Variants in RSRC1 observed in about 807,000 individuals in gnomAD.
The protein encoded by RSRC1 is arginine and serine rich coiled-coil 1.
Under a neutral mutation model 49.1 loss-of-function variants are expected in RSRC1, and 39 were observed. The observed-to-expected ratio is 0.79, with a 90% confidence interval of 0.61 to 1.04. The LOEUF (loss-of-function observed/expected upper bound fraction) is 1.04. Ranked by LOEUF, RSRC1 falls within the 50% of genes least tolerant of loss-of-function variation. RSRC1 has a pLI of 0.00. For synonymous variants in RSRC1, 143 were observed against 130.8 expected (o/e 1.09, Z -0.63); for missense variants, 388 against 402.4 (o/e 0.96, Z 0.31).
chr3:158,417,829 A>T (rs1734828123), intron 6 of RSRC1, among the ~76,000 whole-genome samples: 1 of 151,344 alleles, frequency 6.6e-6, no homozygotes, highest in Non-Finnish European at 1.5e-5. Context: ...TAAAATGGTG[A>T]TATGTGACTT....
rs532085594 is a variant in RSRC1 at position 158,407,458 on chromosome 3, A to G, written c.583+52550A>G. 2.0e-5 allele frequency among the ~76,000 whole-genome samples: 3 copies of G among 152,296 alleles called. No individual in the cohort carries two copies. In the South Asian group the frequency reaches 6.2e-4, roughly 32 times the overall value. On this transcript the variant is annotated intron_variant, in intron 6 of 9. Coordinates refer to ENST00000611884, the MANE Select transcript of RSRC1 (RefSeq NM_001271838.2). ...TCTACATCCAATGACAAGTATTCCTAAGTGATCAAAAGACCACATTTGGCT... is the reference window on the plus strand; with the variant it reads ...TCTACATCCAATGACAAGTATTCCTGAGTGATCAAAAGACCACATTTGGCT...
At chr3:158,468,203 G>C (rs1737975015) in intron 7 of RSRC1, among the ~76,000 whole-genome samples, 1 of 152,180 alleles carries the variant, frequency 6.6e-6, no homozygotes, top group South Asian at 2.1e-4. Context: ...AAAGTGCTGG[G>C]ATTACAGGCG....
At chr3:158,344,651 T>C (rs1230620729) in intron 5 of RSRC1, among the ~76,000 whole-genome samples, 1 of 152,152 alleles carries the variant, frequency 6.6e-6, no homozygotes, top group Non-Finnish European at 1.5e-5. Flanking sequence ...TGACACCAGA[T>C]GAAAACCTGG....
intron 7 of RSRC1, among the ~76,000 whole-genome samples, chr3:158,504,728 A>G (rs767243698): frequency 1.3e-4 from 20 of 152,240 alleles, no homozygotes; most frequent in Non-Finnish European, 2.2e-4. Flanking sequence ...AAGTGTATCC[A>G]AATGTTAGCT....
intron 7 of RSRC1, among the ~76,000 whole-genome samples, chr3:158,534,441 A>G (rs1712603735): frequency 1.3e-5 from 2 of 151,636 alleles, no homozygotes; most frequent in Admixed American, 6.6e-5. Context: ...AAATGTGACT[A>G]TTATCCATGA....
intron 6 of RSRC1, among the ~76,000 whole-genome samples, chr3:158,417,055 T>C (rs1161565921): frequency 6.6e-6 from 1 of 152,060 alleles, no homozygotes; most frequent in East Asian, 1.9e-4. Flanking sequence ...TGTCTTATTT[T>C]ATATAGAGCA....
chr3:158,436,703 T>C (rs973241239), intron 6 of RSRC1, among the ~76,000 whole-genome samples: 10 of 151,946 alleles, frequency 6.6e-5, no homozygotes, highest in African/African-American at 1.9e-4. Context: ...AAACAATAAT[T>C]ACTATATTTA....
intron 6 of RSRC1, among the ~76,000 whole-genome samples, chr3:158,437,694 A>G (rs1428340707): frequency 6.6e-6 from 1 of 152,168 alleles, no homozygotes; most frequent in Non-Finnish European, 1.5e-5. Context: ...ATTTATGACA[A>G]ACTCACAGCC....
intron 3 of RSRC1, among the ~76,000 whole-genome samples, chr3:158,150,234 A>G (rs1717437164): frequency 2.6e-5 from 4 of 152,220 alleles, no homozygotes; most frequent in Admixed American, 2.0e-4. Context: ...CATAACTGTT[A>G]GACTTGCCAG....
At chr3:158,473,732 C>CT (rs1286318437) in intron 7 of RSRC1, among the ~76,000 whole-genome samples, 1 of 151,880 alleles carries the variant, frequency 6.6e-6, no homozygotes, top group Non-Finnish European at 1.5e-5. Flanking sequence ...TAGTAAATTA[C>CT]TTCACATGCC....
At position 158,338,274 on chromosome 3, in the gene RSRC1, A is replaced by G. The variant is rs1240619718; in HGVS notation, c.532-16583A>G. ...ATGTTTGATAAAACTCTTCAGATGA[A>G]TTTGCTATCAAGAATGGAAAACATG... On this transcript the variant is annotated intron_variant, in intron 5 of 9. Transcript: ENST00000611884. Among the ~76,000 whole-genome samples the G allele has an allele frequency of 2.6e-5, 4 of 152,182 alleles. No homozygotes were observed. The South Asian group carries it at 6.2e-4, about 24-fold the overall frequency.
chr3:158,410,562 G>A (rs894963044), intron 6 of RSRC1, among the ~76,000 whole-genome samples: 3 of 152,072 alleles, frequency 2.0e-5, no homozygotes, highest in Admixed American at 6.6e-5. Flanking sequence ...TGGTCAGACC[G>A]TATCTGTTTT....
At chr3:158,431,227 G>A (rs185040771) in intron 6 of RSRC1, among the ~76,000 whole-genome samples, 8 of 150,928 alleles carry the variant, frequency 5.3e-5, no homozygotes, top group Admixed American at 6.6e-5. Context: ...TCATCAGCTT[G>A]GTATTCTGAG....
chr3:158,468,133 C>T (rs1737971634), intron 7 of RSRC1, among the ~76,000 whole-genome samples: 1 of 152,116 alleles, frequency 6.6e-6, no homozygotes, highest in Non-Finnish European at 1.5e-5. Flanking sequence ...TGGGGTTTCA[C>T]CTTGTTAGCC....
chr3:158,253,666 A>G (rs1199510654), intron 4 of RSRC1, among the ~76,000 whole-genome samples: 1 of 152,122 alleles, frequency 6.6e-6, no homozygotes, highest in Non-Finnish European at 1.5e-5. Flanking sequence ...TTGGGGTGTT[A>G]AAATCTCCGG....
intron 7 of RSRC1, among the ~76,000 whole-genome samples, chr3:158,461,706 G>C (rs1737623239): frequency 6.6e-6 from 1 of 151,794 alleles, no homozygotes; most frequent in Non-Finnish European, 1.5e-5. Context: ...GATCTGCTTA[G>C]AATGGCAATC....
chr3:158,222,669 C>T (rs956750394), intron 4 of RSRC1, among the ~76,000 whole-genome samples: 3 of 151,496 alleles, frequency 2.0e-5, no homozygotes, highest in African/African-American at 7.3e-5. Flanking sequence ...ATTGTTTGAC[C>T]ATTAAATATA....
chr3:158,265,234 A>G (rs1156313324), intron 4 of RSRC1, among the ~76,000 whole-genome samples: 1 of 152,196 alleles, frequency 6.6e-6, no homozygotes, highest in Non-Finnish European at 1.5e-5. Flanking sequence ...TAAAAAATAC[A>G]TTTTGGAATT....
chr3:158,158,368 G>A (rs912866837), intron 3 of RSRC1, among the ~76,000 whole-genome samples: 4 of 152,142 alleles, frequency 2.6e-5, no homozygotes, highest in Non-Finnish European at 5.9e-5. Context: ...ATTTGGTCAT[G>A]CACTGGCGGT....
Sources: allele counts gnomAD v4.1 joint callset (sites outside exome capture counted in the v4.1 genomes callset), GRCh38; gene constraint gnomAD v4.1.1; transcripts MANE v1.5; gene names NCBI Gene and HGNC (gene_info 2026-07-23, HGNC 2026-07-21).